The following TMEM132C variants were observed in gnomAD, a reference collection of about 807,000 sequenced individuals.
TMEM132C encodes protein phosphatase 1, regulatory subunit 152.
Under a neutral mutation model 61.4 loss-of-function variants are expected in TMEM132C, and 29 were observed. The ratio of observed to expected loss-of-function variants is 0.47; its 90% CI spans 0.35 to 0.64. The LOEUF (loss-of-function observed/expected upper bound fraction) is 0.64, where lower values mean the gene tolerates loss of function less well. Among genes scored for constraint, TMEM132C ranks in the 30% least tolerant of loss-of-function variants. The probability of loss-of-function intolerance (pLI) is 0.00; values close to 1 mark genes in which losing one functional copy is unlikely to be tolerated. For synonymous variants in TMEM132C, 656 were observed against 633.1 expected, an observed-to-expected ratio of 1.04 and a Z score of -0.54; for missense variants, 1,408 against 1,476.9, an observed-to-expected ratio of 0.95 and a Z score of 0.76.
In TMEM132C at chr12:128,693,979, G is replaced by A; in HGVS notation, c.1600G>A (p.Asp534Asn). 1 of 1,551,760 alleles carries A rather than the reference G, an allele frequency of 6.4e-7. No individual in the cohort carries two copies. The highest frequency in any genetic ancestry group is 2.4e-5 in the East Asian group (1 of 40,920). Residue 534 changes from aspartate to asparagine, a missense_variant, in exon 6 of 9, where the codon GAC (aspartate) becomes AAC (asparagine). Asp to Asn is a conservative substitution (Grantham distance 23). Transcript: ENST00000435159. ...PRLPLQIEVSDTELSQIKGWR... is the reference protein window; with the variant it reads ...PRLPLQIEVSNTELSQIKGWR... Reference sequence around the variant, plus strand: ...GCTGCCCCTGCAGATCGAGGTCTCTGACACGGAGCTCAGCCAGATAAAGGG... The same window carrying A: ...GCTGCCCCTGCAGATCGAGGTCTCTAACACGGAGCTCAGCCAGATAAAGGG...
intron 2 of TMEM132C, among the ~76,000 whole-genome samples, chr12:128,499,796 G>A (rs530699318): frequency 1.0e-3 from 154 of 152,222 alleles, no homozygotes; most frequent in Non-Finnish European, 1.9e-3. Context: ...CCATTGATGG[G>A]CACTTAAGCT....
At chr12:128,457,749 A>G (rs531532071) in intron 2 of TMEM132C, among the ~76,000 whole-genome samples, 1 of 152,264 alleles carries the variant, frequency 6.6e-6, no homozygotes, top group South Asian at 2.1e-4. Flanking sequence ...CAAAGGTCCA[A>G]GAGAAATGGG....
chr12:128,483,319 G>GGAGGGGGGAGGGGAGGA (rs1429923636), intron 2 of TMEM132C, among the ~76,000 whole-genome samples: 1 of 144,332 alleles, frequency 6.9e-6, no homozygotes, highest in Non-Finnish European at 1.5e-5. Flanking sequence ...TGAGGGGAGA[G>GGAGGGGGGAGGGGAGGA]GAGGGGAGGG....
chr12:128,694,325 G>T (rs1285400174), intron 6 of TMEM132C, among the ~76,000 whole-genome samples: 1 of 152,158 alleles, frequency 6.6e-6, no homozygotes, highest in Non-Finnish European at 1.5e-5. Flanking sequence ...TGGTTACCAG[G>T]TAATTTGAAG....
intron 3 of TMEM132C, among the ~76,000 whole-genome samples, chr12:128,597,855 A>T (rs1593114264): frequency 6.6e-6 from 1 of 152,296 alleles, no homozygotes; most frequent in South Asian, 2.1e-4. Flanking sequence ...GTTGACTTCT[A>T]TAGGGAGCAA....
chr12:128,507,553 T>A (rs1448139786), intron 2 of TMEM132C, among the ~76,000 whole-genome samples: 1 of 152,092 alleles, frequency 6.6e-6, no homozygotes, highest in African/African-American at 2.4e-5. Flanking sequence ...GAAACATCAG[T>A]GAGAGATGTT....
chr12:128,582,395 T>C (rs1875372046), intron 3 of TMEM132C, among the ~76,000 whole-genome samples: 1 of 149,856 alleles, frequency 6.7e-6, no homozygotes, highest in Non-Finnish European at 1.5e-5. Context: ...TGTGGGAGTA[T>C]ACATTGATAT....
chr12:128,488,026 C>T (rs983483882), intron 2 of TMEM132C, among the ~76,000 whole-genome samples: 3 of 152,204 alleles, frequency 2.0e-5, no homozygotes, highest in Non-Finnish European at 4.4e-5. Context: ...CAGTATTTAG[C>T]CACTGGCTCT....
At chr12:128,666,005 GCA>G (rs1257857068) in intron 4 of TMEM132C, among the ~76,000 whole-genome samples, 2 of 69,266 alleles carry the variant, frequency 2.9e-5, no homozygotes, top group Admixed American at 1.5e-4. Context: ...TCACACACAG[GCA>G]CACACACATT....
chr12:128,313,377 A>G (rs1262285379), intron 1 of TMEM132C, among the ~76,000 whole-genome samples: 3 of 152,304 alleles, frequency 2.0e-5, no homozygotes, highest in Admixed American at 6.5e-5. Context: ...CCCAGTCTCT[A>G]TCTTCATTCA....
In TMEM132C at chr12:128,570,755, A is replaced by G. The variant is rs1874849878; in HGVS notation, c.1121+26652A>G. Among the ~76,000 whole-genome samples, 1 of 152,202 alleles carries G rather than the reference A, an allele frequency of 6.6e-6. No individual in the cohort carries two copies. The highest frequency in any genetic ancestry group is 6.5e-5 in the Admixed American group (1 of 15,278). On this transcript the variant is annotated intron_variant, in intron 3 of 8. Transcript: ENST00000435159. The surrounding 1 kb of genome is among the most constrained non-coding windows in gnomAD (Gnocchi z 4.7). ...TTCCAGGTAGAGCAAATGGAGGAAG[A>G]TGTATGGCTAAGGCAATAAGTAGGT...
At chr12:128,681,276 G>A (rs888525136) in intron 5 of TMEM132C, among the ~76,000 whole-genome samples, 3 of 152,046 alleles carry the variant, frequency 2.0e-5, no homozygotes, top group African/African-American at 7.3e-5. Context: ...CACCGCACCC[G>A]GCCTGTTTTT....
chr12:128,450,078 G>A (rs1430526157), intron 2 of TMEM132C, among the ~76,000 whole-genome samples: 1 of 152,194 alleles, frequency 6.6e-6, no homozygotes, highest in Non-Finnish European at 1.5e-5. Flanking sequence ...CTGGAGCAGA[G>A]CTAGCCAGTC....
intron 2 of TMEM132C, among the ~76,000 whole-genome samples, chr12:128,448,965 G>C (rs1870086313): frequency 6.6e-6 from 1 of 151,550 alleles, no homozygotes; most frequent in Non-Finnish European, 1.5e-5. Flanking sequence ...GCGAAACCCT[G>C]TCTCTACTAA....
At chr12:128,679,826 A>C (rs1954619711) in intron 5 of TMEM132C, among the ~76,000 whole-genome samples, 1 of 152,214 alleles carries the variant, frequency 6.6e-6, no homozygotes, top group African/African-American at 2.4e-5. Flanking sequence ...CAAATATTGT[A>C]GATGCTATGG....
intron 2 of TMEM132C, among the ~76,000 whole-genome samples, chr12:128,486,876 A>AACACACACACACAC (rs56407388): frequency 2.7e-4 from 35 of 131,218 alleles, no homozygotes; most frequent in African/African-American, 8.5e-4. Context: ...TGTGCATGCA[A>AACACACACACACAC]ACACACACAC....
chr12:128,564,677 A>G (rs1168150732), intron 3 of TMEM132C, among the ~76,000 whole-genome samples: 1 of 152,240 alleles, frequency 6.6e-6, no homozygotes, highest in South Asian at 2.1e-4. Flanking sequence ...CGTACAACTC[A>G]GGGAAGACAC....
chr12:128,686,990 G>T (rs1239950779), intron 5 of TMEM132C, among the ~76,000 whole-genome samples: 11 of 151,834 alleles, frequency 7.2e-5, no homozygotes, highest in African/African-American at 2.7e-4. Context: ...TGAGGCCAAG[G>T]GTTTGAGACC....
chr12:128,583,302 G>C (rs916470803), intron 3 of TMEM132C, among the ~76,000 whole-genome samples: 1 of 148,764 alleles, frequency 6.7e-6, no homozygotes, highest in African/African-American at 2.5e-5. Context: ...ACATAAGTAA[G>C]AGTTTTTTGA....
Sources: gnomAD v4.1 joint callset for allele counts (sites outside exome capture counted in the v4.1 genomes callset) on GRCh38, gnomAD v4.1.1 for gene constraint, Gnocchi (gnomAD v3.1) non-coding constraint, MANE v1.5 for transcripts, NCBI Gene and HGNC (gene_info 2026-07-23, HGNC 2026-07-21) for gene names.